CPNE4: variants seen among roughly 807,000 people sequenced by gnomAD.
CPNE4 encodes the protein copine-4.
CPNE4 carries 25 observed loss-of-function variants against 67.9 expected under a neutral mutation model. The observed-to-expected ratio is 0.37, with a 90% CI of 0.27 to 0.51. The LOEUF is 0.51. Among genes scored for constraint, CPNE4 ranks in the 20% least tolerant of loss-of-function variants. CPNE4 has a pLI of 0.93. For synonymous variants in CPNE4, 242 were observed against 244.9 expected, an observed-to-expected ratio of 0.99 and a Z score of 0.11; for missense variants, 464 against 690.8, an observed-to-expected ratio of 0.67 and a Z score of 3.68.
At chr3:131,778,374 T>C (rs1180137746) in intron 2 of CPNE4, among the ~76,000 whole-genome samples, 1 of 152,054 alleles carries the variant, frequency 6.6e-6, no homozygotes, top group African/African-American at 2.4e-5. Context: ...AGAGTATAGA[T>C]TTGGAGTAAG....
At chr3:131,929,998 G>A (rs192741975) in intron 1 of CPNE4, among the ~76,000 whole-genome samples, 1 of 152,290 alleles carries the variant, frequency 6.6e-6, no homozygotes, top group East Asian at 1.9e-4. Context: ...TATTACAAAT[G>A]TACTGTGGAG....
chr3:131,672,969 G>T (rs1241927482), intron 6 of CPNE4, among the ~76,000 whole-genome samples: 1 of 151,848 alleles, frequency 6.6e-6, no homozygotes, highest in Non-Finnish European at 1.5e-5. Flanking sequence ...TTCACAGTTC[G>T]AAGTCTTAAA....
At chr3:131,659,199 C>A (rs1197776045) in intron 7 of CPNE4, among the ~76,000 whole-genome samples, 1 of 152,194 alleles carries the variant, frequency 6.6e-6, no homozygotes, top group East Asian at 1.9e-4. Context: ...CAGAACACAG[C>A]ATTATTTAAA....
intron 1 of CPNE4, among the ~76,000 whole-genome samples, chr3:131,947,348 C>T (rs2071582872): frequency 6.6e-6 from 1 of 152,094 alleles, no homozygotes; most frequent in South Asian, 2.1e-4. Flanking sequence ...TTAAACCCCA[C>T]ATGTATTACG....
At chr3:131,721,465 G>A (rs2081884912) in intron 3 of CPNE4, among the ~76,000 whole-genome samples, 1 of 141,182 alleles carries the variant, frequency 7.1e-6, no homozygotes, top group Non-Finnish European at 1.5e-5. Flanking sequence ...GCACGATCTC[G>A]GCTCACTGCA....
intron 2 of CPNE4, among the ~76,000 whole-genome samples, chr3:131,835,950 AAG>A (rs1439925427): frequency 6.6e-6 from 1 of 152,082 alleles, no homozygotes. Flanking sequence ...GATTACTAAG[AAG>A]AGAGAGGTAG....
chr3:131,601,674 G>A (rs186219372), intron 7 of CPNE4, among the ~76,000 whole-genome samples: 1 of 152,176 alleles, frequency 6.6e-6, no homozygotes, highest in Non-Finnish European at 1.5e-5. Flanking sequence ...ACCGGATGGT[G>A]TAGAGATACT....
intron 2 of CPNE4, among the ~76,000 whole-genome samples, chr3:131,865,710 A>G (rs1448087211): frequency 6.6e-6 from 1 of 152,194 alleles, no homozygotes; most frequent in African/African-American, 2.4e-5. Flanking sequence ...TGCCATACAC[A>G]TCTGTAGACT....
chr3:131,596,226 A>T (rs938464410), intron 7 of CPNE4, among the ~76,000 whole-genome samples: 4 of 152,180 alleles, frequency 2.6e-5, no homozygotes, highest in Admixed American at 6.5e-5. Context: ...TCAGCTTGTG[A>T]TGGTATCACA....
chr3:131,740,053 A>G (rs1583115166), intron 2 of CPNE4, among the ~76,000 whole-genome samples: 1 of 152,206 alleles, frequency 6.6e-6, no homozygotes, highest in African/African-American at 2.4e-5. Flanking sequence ...TTGAGACAAA[A>G]CATTCACTAG....
intron 10 of CPNE4, among the ~76,000 whole-genome samples, chr3:131,565,818 TAAA>T (rs66674789): frequency 5.4e-5 from 7 of 129,806 alleles, no homozygotes; most frequent in Non-Finnish European, 6.8e-5. Flanking sequence ...TAAGAGTATG[TAAA>T]AAAAAAAAAA....
At chr3:131,789,031 C>CAGAG (rs1187657627) in intron 2 of CPNE4, among the ~76,000 whole-genome samples, 7 of 147,582 alleles carry the variant, frequency 4.7e-5, no homozygotes, top group African/African-American at 1.8e-4. Flanking sequence ...CACACACACA[C>CAGAG]ACACAGAGAG....
chr3:131,927,751 T>C (rs572258505), intron 1 of CPNE4, among the ~76,000 whole-genome samples: 47 of 152,338 alleles, frequency 3.1e-4, no homozygotes, highest in Admixed American at 3.9e-4. Flanking sequence ...GTTTCATTTT[T>C]TTCTCTGCCT....
At chr3:131,588,290 T>G (rs964488966) in intron 7 of CPNE4, among the ~76,000 whole-genome samples, 1 of 152,106 alleles carries the variant, frequency 6.6e-6, no homozygotes, top group African/African-American at 2.4e-5. Flanking sequence ...CTTTTTAGAG[T>G]GACTAGACTG....
rs1490440075 is a variant in CPNE4 at position 131,779,074 on chromosome 3, A to G, written c.181-55449T>C. Among the ~76,000 whole-genome samples the G allele has an allele frequency of 2.0e-5, 3 of 152,238 alleles. No individual in the cohort carries two copies. In the East Asian group the frequency reaches 5.8e-4, roughly 29 times the overall value. ...AGCTGAGAGCCAAAACAAGAATGCAATCCCATTCACAATAGCCACAAAAAG... is the reference window on the plus strand; with the variant it reads ...AGCTGAGAGCCAAAACAAGAATGCAGTCCCATTCACAATAGCCACAAAAAG... On this transcript the variant is annotated intron_variant, in intron 2 of 15. Coordinates refer to ENST00000429747, the MANE Select transcript of CPNE4 (RefSeq NM_130808.3).
chr3:131,791,158 C>T (rs972376568), intron 2 of CPNE4, among the ~76,000 whole-genome samples: 45 of 152,124 alleles, frequency 3.0e-4, no homozygotes, highest in African/African-American at 1.0e-3. Flanking sequence ...TAAATATGAC[C>T]AACCACTAGG....
At chr3:131,741,949 CT>C (rs1444156646) in intron 2 of CPNE4, among the ~76,000 whole-genome samples, 8 of 152,120 alleles carry the variant, frequency 5.3e-5, no homozygotes, top group East Asian at 1.9e-4. Flanking sequence ...CATCTTTGCC[CT>C]CTATCCCTTC....
At chr3:131,824,276 T>G (rs892758024) in intron 2 of CPNE4, among the ~76,000 whole-genome samples, 1 of 152,206 alleles carries the variant, frequency 6.6e-6, no homozygotes, top group Admixed American at 6.5e-5. Flanking sequence ...TCTGATATCT[T>G]TCTTGTTATC....
intron 2 of CPNE4, among the ~76,000 whole-genome samples, chr3:131,788,455 G>T (rs2083624170): frequency 6.6e-6 from 1 of 152,076 alleles, no homozygotes; most frequent in African/African-American, 2.4e-5. Context: ...TAAAACCGAG[G>T]GGAAAGTTTT....
Sources: gnomAD v4.1 joint callset for allele counts (sites outside exome capture counted in the v4.1 genomes callset) on GRCh38, gnomAD v4.1.1 for gene constraint, MANE v1.5 for transcripts, NCBI Gene and HGNC (gene_info 2026-07-23, HGNC 2026-07-21) for gene names.